The following APBB2 variants were observed in gnomAD, a reference collection of about 807,000 sequenced individuals.
APBB2 encodes the protein amyloid beta precursor protein binding family B member 2.
A neutral mutation model predicts 82.5 loss-of-function variants in APBB2; 38 were observed. The ratio of observed to expected loss-of-function variants is 0.46; its 90% confidence interval spans 0.36 to 0.60. APBB2 has a LOEUF of 0.60. APBB2 is among the 20% of genes least tolerant of loss of function. APBB2 has a pLI of 0.00. For synonymous variants in APBB2, 341 were observed against 368.2 expected (o/e 0.93, Z 0.85); for missense variants, 772 against 972.3 (o/e 0.79, Z 2.74).
At chr4:40,880,924 C>A in intron 12 of APBB2, 1 of 980,898 alleles carries the variant, frequency 1.0e-6, no homozygotes, top group African/African-American at 1.7e-5. Flanking sequence ...TTCATAGATT[C>A]ATGAACAGGG....
At chr4:40,910,746 A>T (rs1218120434) in intron 10 of APBB2, among the ~76,000 whole-genome samples, 1 of 152,242 alleles carries the variant, frequency 6.6e-6, no homozygotes, top group Non-Finnish European at 1.5e-5. Context: ...CTGAAATATC[A>T]TGGCAAGGCT....
At chr4:40,914,679 T>C (rs190051348) in intron 10 of APBB2, among the ~76,000 whole-genome samples, 3 of 152,364 alleles carry the variant, frequency 2.0e-5, no homozygotes, top group Non-Finnish European at 4.4e-5. Flanking sequence ...TGCAGGAACC[T>C]AACTCTGTAT....
chr4:41,091,623 T>C (rs937707027), intron 3 of APBB2, among the ~76,000 whole-genome samples: 1 of 152,210 alleles, frequency 6.6e-6, no homozygotes, highest in African/African-American at 2.4e-5. Flanking sequence ...ACCAACACCT[T>C]GCAGAGTTAT....
chr4:41,011,090 T>C lies in APBB2; in HGVS notation c.835+2493A>G, dbSNP rs146784554. Among the ~76,000 whole-genome samples the C allele has an allele frequency of 1.7e-3, 266 of 152,052 alleles. 1 individual carries two copies. Among genetic ancestry groups the C allele is most frequent in the African/African-American group, 6.2e-3 (258 of 41,548 alleles). On this transcript the variant is annotated intron_variant, in intron 6 of 17. Coordinates refer to ENST00000508593, the MANE Select transcript of APBB2 (RefSeq NM_004307.2). ...TATATTAGTATATATCTCTAAAACA[T>C]AGGGATTCTAAAAACATCATCACAA...
chr4:41,140,241 T>C (rs570975215), intron 2 of APBB2, among the ~76,000 whole-genome samples: 2 of 152,308 alleles, frequency 1.3e-5, no homozygotes, highest in East Asian at 1.9e-4. Context: ...CCTTAAACAA[T>C]TGTATTCAGA....
intron 6 of APBB2, among the ~76,000 whole-genome samples, chr4:40,979,186 A>G (rs941703348): frequency 1.3e-5 from 2 of 152,352 alleles, no homozygotes; most frequent in Middle Eastern, 3.4e-3. Flanking sequence ...AAAAAGCTGT[A>G]TAATAGAATC....
At chr4:40,914,245 C>G (rs994791347) in intron 10 of APBB2, among the ~76,000 whole-genome samples, 26 of 152,052 alleles carry the variant, frequency 1.7e-4, no homozygotes, top group Non-Finnish European at 3.2e-4. Flanking sequence ...TGGTGGCAGG[C>G]GCCTATAGTC....
chr4:40,821,125 CAG>C (rs1747775157), intron 17 of APBB2, among the ~76,000 whole-genome samples: 1 of 152,222 alleles, frequency 6.6e-6, no homozygotes, highest in African/African-American at 2.4e-5. Context: ...CTCAGCCTCC[CAG>C]AGTGTTGGGA....
intron 2 of APBB2, among the ~76,000 whole-genome samples, chr4:41,131,971 C>T (rs372979722): frequency 2.6e-5 from 4 of 151,752 alleles, no homozygotes; most frequent in South Asian, 2.1e-4. Flanking sequence ...ACCCAGGAGG[C>T]GGAGGTTGCA....
At chr4:40,846,326 C>CAAAAAAAAAAAAAAAAA (rs3086182) in intron 12 of APBB2, among the ~76,000 whole-genome samples, 1 of 62,516 alleles carries the variant, frequency 1.6e-5, no homozygotes, top group Non-Finnish European at 3.0e-5. Context: ...GAAAACACTC[C>CAAAAAAAAAAAAAAAAA]AAAAAAAAAA....
At chr4:41,106,698 G>C (rs1353845477) in intron 2 of APBB2, among the ~76,000 whole-genome samples, 3 of 152,058 alleles carry the variant, frequency 2.0e-5, no homozygotes, top group Non-Finnish European at 2.9e-5. Flanking sequence ...GGATGGTCTC[G>C]ATCTCCTGAC....
At position 41,013,914 on chromosome 4, in the gene APBB2, C is replaced by T; in HGVS notation, c.504G>A (p.Leu168=). Reference sequence around the variant, plus strand: ...GCTCTAGTTCTCTGGCTGAGGTTTCCAGATCTGCATAGTAATTTAGGAAGC... The same window carrying T: ...GCTCTAGTTCTCTGGCTGAGGTTTCTAGATCTGCATAGTAATTTAGGAAGC... ...TKSFLNYYAD[L]ETSARELEQN... The change falls in exon 6 of 18, where the codon CTG becomes CTA. Residue 168 remains leucine (L), a synonymous_variant. Coordinates refer to ENST00000508593, the MANE Select transcript of APBB2 (RefSeq NM_004307.2). 6.2e-7 allele frequency: 1 copy of T among 1,614,128 alleles called. No individual in the cohort carries two copies. Among genetic ancestry groups the T allele is most frequent in the Non-Finnish European group, 8.5e-7 (1 of 1,180,000 alleles).
At chr4:41,208,776 G>A (rs184125141) in intron 1 of APBB2, among the ~76,000 whole-genome samples, 1 of 152,208 alleles carries the variant, frequency 6.6e-6, no homozygotes, top group Admixed American at 6.5e-5. Flanking sequence ...ACAAAGAAAA[G>A]CTTTAATCCA....
chr4:40,896,178 C>T (rs928109032), intron 10 of APBB2, among the ~76,000 whole-genome samples: 1 of 152,110 alleles, frequency 6.6e-6, no homozygotes, highest in African/African-American at 2.4e-5. Flanking sequence ...GATCCTTCTG[C>T]CTCAGCCTCC....
intron 12 of APBB2, among the ~76,000 whole-genome samples, chr4:40,877,413 G>A (rs930625982): frequency 2.0e-5 from 3 of 152,176 alleles, no homozygotes; most frequent in African/African-American, 7.2e-5. Flanking sequence ...AGGGGATGAC[G>A]TGTGCCCTCT....
intron 2 of APBB2, among the ~76,000 whole-genome samples, chr4:41,113,218 T>C (rs146791357): frequency 4.1e-3 from 617 of 152,344 alleles, no homozygotes; most frequent in Middle Eastern, 0.014. Context: ...TGAATTTATA[T>C]GGACTTCCTT....
chr4:41,010,598 A>T (rs1374054620), intron 6 of APBB2, among the ~76,000 whole-genome samples: 1 of 152,186 alleles, frequency 6.6e-6, no homozygotes, highest in Non-Finnish European at 1.5e-5. Context: ...CCCTCTCCAC[A>T]GGCCCCTACT....
chr4:41,045,642 G>A (rs1015978682), intron 4 of APBB2, among the ~76,000 whole-genome samples: 2 of 152,172 alleles, frequency 1.3e-5, no homozygotes, highest in African/African-American at 2.4e-5. Context: ...TTCATTGTCA[G>A]TAGGGATTTT....
intron 17 of APBB2, among the ~76,000 whole-genome samples, chr4:40,817,109 T>A (rs1171095035): frequency 2.0e-5 from 3 of 152,102 alleles, no homozygotes; most frequent in African/African-American, 7.2e-5. Flanking sequence ...CCAAACGTTT[T>A]AAAATACAGT....
Sources: gnomAD v4.1 joint callset for allele counts (sites outside exome capture counted in the v4.1 genomes callset) on GRCh38, gnomAD v4.1.1 for gene constraint, MANE v1.5 for transcripts, NCBI Gene and HGNC (gene_info 2026-07-23, HGNC 2026-07-21) for gene names.